DOCK3: variants seen among roughly 807,000 people sequenced by gnomAD.
DOCK3 encodes the protein dedicator of cytokinesis protein 3.
Under a neutral mutation model 265.6 loss-of-function variants are expected in DOCK3, and 60 were observed. The ratio of observed to expected loss-of-function variants is 0.23; its 90% CI spans 0.18 to 0.28. The LOEUF (loss-of-function observed/expected upper bound fraction) is 0.28. DOCK3 is among the 10% of genes least tolerant of loss of function. The probability of loss-of-function intolerance (pLI) is 1.00; values close to 1 mark genes in which losing one functional copy is unlikely to be tolerated. For synonymous variants in DOCK3, 881 were observed against 938.0 expected (o/e 0.94, Z 1.11); for missense variants, 1,981 against 2,594.3 (o/e 0.76, Z 5.14).
chr3:50,996,384 A>C (rs982847495), intron 5 of DOCK3, among the ~76,000 whole-genome samples: 1 of 151,526 alleles, frequency 6.6e-6, no homozygotes, highest in Non-Finnish European at 1.5e-5. Flanking sequence ...CGCCTGGCTA[A>C]TTTTTTGTAT....
At position 51,280,952 on chromosome 3, in the gene DOCK3, T is replaced by C. The variant is rs756046523; in HGVS notation, c.2922+748T>C. Among the ~76,000 whole-genome samples, 8 of 152,286 alleles carry C rather than the reference T, an allele frequency of 5.3e-5. 1 individual carries two copies. The South Asian group carries it at 1.7e-3, about 32-fold the overall frequency. ...AAGCTTCTACTACTATTTTTAGCTA[T>C]TGTTAGTTATTATCTATTTTCCTCT... On this transcript the variant is annotated intron_variant, in intron 27 of 52. Coordinates refer to ENST00000266037, the MANE Select transcript of DOCK3 (RefSeq NM_004947.5).
intron 1 of DOCK3, among the ~76,000 whole-genome samples, chr3:50,742,905 A>G (rs2039155391): frequency 6.6e-6 from 1 of 152,206 alleles, no homozygotes. Flanking sequence ...CAGATTCACC[A>G]AAGTTGAAAT....
chr3:51,261,617 C>T (rs1044318568), intron 23 of DOCK3, among the ~76,000 whole-genome samples: 1 of 152,194 alleles, frequency 6.6e-6, no homozygotes, highest in African/African-American at 2.4e-5. Context: ...CGGTCTAGTT[C>T]AGTGAATCCC....
intron 32 of DOCK3, among the ~76,000 whole-genome samples, chr3:51,318,597 T>C (rs927852114): frequency 6.6e-6 from 1 of 152,062 alleles, no homozygotes; most frequent in Admixed American, 6.6e-5. Flanking sequence ...CTTGAAAAAA[T>C]TTTAGACTCC....
intron 49 of DOCK3, among the ~76,000 whole-genome samples, chr3:51,363,188 T>C (rs2086865159): frequency 6.6e-6 from 1 of 152,268 alleles, no homozygotes; most frequent in Non-Finnish European, 1.5e-5. Flanking sequence ...ATTAGTTGAT[T>C]TCTTGTTCAG....
chr3:51,090,481 C>A, intron 9 of DOCK3, 97 bp downstream of exon 9: 1 of 1,280,512 alleles, frequency 7.8e-7, no homozygotes, highest in Non-Finnish European at 1.0e-6. Context: ...ACAGAAGAGG[C>A]AAAACAAGAT....
chr3:50,920,049 T>C (rs991669174), intron 4 of DOCK3, among the ~76,000 whole-genome samples: 10 of 152,310 alleles, frequency 6.6e-5, no homozygotes, highest in East Asian at 3.9e-4. Flanking sequence ...TGATGGATTA[T>C]GTTTATTGAT....
intron 5 of DOCK3, among the ~76,000 whole-genome samples, chr3:50,995,060 T>C (rs1213807982): frequency 6.6e-6 from 1 of 152,202 alleles, no homozygotes; most frequent in African/African-American, 2.4e-5. Flanking sequence ...TCAATATTCA[T>C]ATTTCCAAAT....
chr3:50,862,362 A>G (rs1012288751), intron 3 of DOCK3, among the ~76,000 whole-genome samples: 3 of 152,228 alleles, frequency 2.0e-5, no homozygotes, highest in East Asian at 3.9e-4. Context: ...TTCGGGCAGC[A>G]TATCTTTTAT....
intron 27 of DOCK3, among the ~76,000 whole-genome samples, chr3:51,287,801 T>C (rs774983619): frequency 1.3e-5 from 2 of 152,004 alleles, no homozygotes; most frequent in Non-Finnish European, 2.9e-5. Context: ...CAAAGGAAAA[T>C]AAATAATTCT....
chr3:51,330,223 T>C lies in DOCK3; in HGVS notation c.3488T>C (p.Leu1163Pro). The C allele has an allele frequency of 6.3e-7, 1 of 1,590,512 alleles. No homozygotes were observed. The highest frequency in any genetic ancestry group is 8.6e-7 in the Non-Finnish European group (1 of 1,168,366). The change falls in exon 33 of 53, where the codon CTA (leucine) becomes CCA (proline). Residue 1163 changes from leucine (L) to proline (P), a missense_variant and splice_region_variant. Around this residue, in one of 4 missense-constraint regions of DOCK3, gnomAD observed 1,357 missense variants for 1,866.8 expected, o/e 0.73. Transcript: ENST00000266037. ...AGCTACAGGGAGCTCTTCAGCCTAC[T>C]GTAAGCTGCTCCAGCCCCAGGCACA... ...DESYRELFSL[L>P]TQLFGPYPSL...
intron 46 of DOCK3, among the ~76,000 whole-genome samples, 167 bp from the exon 47 acceptor site, chr3:51,360,344 C>T (rs370948018): frequency 6.6e-6 from 1 of 152,194 alleles, no homozygotes; most frequent in Non-Finnish European, 1.5e-5. Flanking sequence ...GTGTTTTAGT[C>T]GTGAAGAGGG....
At chr3:51,227,782 T>A (rs2090391782) in intron 16 of DOCK3, among the ~76,000 whole-genome samples, 200 bp from the exon 17 acceptor site, 1 of 152,196 alleles carries the variant, frequency 6.6e-6, no homozygotes, top group Non-Finnish European at 1.5e-5. Flanking sequence ...AGTTTCTTTT[T>A]GGGTCTAGGT....
At chr3:50,831,985 G>A (rs2045207029) in intron 2 of DOCK3, among the ~76,000 whole-genome samples, 1 of 152,138 alleles carries the variant, frequency 6.6e-6, no homozygotes, top group Admixed American at 6.5e-5. Context: ...GACCAGTGTT[G>A]ATGAGCTTTT....
intron 1 of DOCK3, among the ~76,000 whole-genome samples, chr3:50,774,135 A>G (rs1050836352): frequency 3.3e-5 from 5 of 152,010 alleles, no homozygotes; most frequent in African/African-American, 1.2e-4. Context: ...CTCATGGTAT[A>G]TACATTTTTT....
At chr3:51,061,257 A>G (rs1026269809) in intron 5 of DOCK3, among the ~76,000 whole-genome samples, 3 of 152,168 alleles carry the variant, frequency 2.0e-5, no homozygotes, top group African/African-American at 4.8e-5. Context: ...AAAGACACAT[A>G]CACACGTGTG....
Position 51,063,939 on chromosome 3 carries a change from C to T in DOCK3, c.316-509C>T, listed in dbSNP as rs181615478. Among the ~76,000 whole-genome samples, 3 of 152,214 alleles carry T rather than the reference C, an allele frequency of 2.0e-5. No homozygotes were observed. The East Asian group carries it at 5.8e-4, about 29-fold the overall frequency. On this transcript the variant is annotated intron_variant, in intron 5 of 52. Transcript: ENST00000266037. ...AAGCTAATTAGAAAATCAGATGAGG[C>T]CTAGAAATCAGGAGTGAATTTCACT...
At chr3:51,122,377 G>GGCTC (rs963955234) in intron 9 of DOCK3, among the ~76,000 whole-genome samples, 2 of 152,126 alleles carry the variant, frequency 1.3e-5, no homozygotes, top group Non-Finnish European at 2.9e-5. Flanking sequence ...GTACTTGGGA[G>GGCTC]GCTCAGATGG....
intron 21 of DOCK3, among the ~76,000 whole-genome samples, chr3:51,244,847 C>T (rs943320818): frequency 2.6e-5 from 4 of 152,128 alleles, no homozygotes; most frequent in Non-Finnish European, 5.9e-5. Flanking sequence ...TAGTTTGTTA[C>T]ATAGTTGCTA....
Sources: gnomAD v4.1 joint callset for allele counts (sites outside exome capture counted in the v4.1 genomes callset) on GRCh38, gnomAD v4.1.1 for gene constraint, gnomAD v4.1.1 regional missense constraint, MANE v1.5 for transcripts, NCBI Gene and HGNC (gene_info 2026-07-23, HGNC 2026-07-21) for gene names.